The following MYH16 variants were observed in gnomAD, a reference collection of about 807,000 sequenced individuals.
The protein encoded by MYH16 is putative uncharacterized protein MYH16.
At chr7:99,246,445 T>C (rs1473737641) in intron 2 of MYH16, among the ~76,000 whole-genome samples, 5 of 152,164 alleles carry the variant, frequency 3.3e-5, no homozygotes, top group African/African-American at 1.2e-4. Context: ...CTCACACCTG[T>C]GATCCCAGCA....
intron 8 of MYH16, among the ~76,000 whole-genome samples, chr7:99,255,287 A>T (rs947869615): frequency 6.6e-6 from 1 of 152,018 alleles, no homozygotes; most frequent in African/African-American, 2.4e-5. Context: ...TTTTTAAAAT[A>T]AATAAGTAAC....
chr7:99,263,908 C>T (rs1791963518), intron 14 of MYH16, among the ~76,000 whole-genome samples: 2 of 152,186 alleles, frequency 1.3e-5, no homozygotes, highest in African/African-American at 4.8e-5. Flanking sequence ...CCAGAAACAC[C>T]AGTCTCCCTG....
At chr7:99,310,275 CA>C (rs1792742654), downstream of MYH16, among the ~76,000 whole-genome samples, 1 of 152,084 alleles carries the variant, frequency 6.6e-6, no homozygotes, top group Admixed American at 6.6e-5. Flanking sequence ...GTAGGGTAGG[CA>C]GGGGTGAGGC....
chr7:99,250,568 C>A (rs889690661), intron 5 of MYH16, among the ~76,000 whole-genome samples: 2 of 152,156 alleles, frequency 1.3e-5, no homozygotes, highest in African/African-American at 2.4e-5. Context: ...TAGCAAGACA[C>A]CATCTCTACA....
chr7:99,306,572 C>A (rs576806171), intron 41 of MYH16, 37 bp from the exon 23 acceptor site: 1 of 152,692 alleles, frequency 6.5e-6, no homozygotes, highest in East Asian at 1.9e-4. Context: ...GAACCAGCCA[C>A]GTTTATGCCC....
intron 18 of MYH16, among the ~76,000 whole-genome samples, chr7:99,268,433 G>A (rs759483719): frequency 3.3e-5 from 5 of 152,210 alleles, no homozygotes; most frequent in African/African-American, 7.2e-5. Context: ...CACCAGTGGC[G>A]GTCGTGTGGC....
intron 28 of MYH16, among the ~76,000 whole-genome samples, chr7:99,286,891 G>A (rs1431926564): frequency 6.6e-6 from 1 of 152,114 alleles, no homozygotes; most frequent in Admixed American, 6.6e-5. Context: ...GGAGGTTGAG[G>A]CTGTGGTGAG....
chr7:99,268,033 C>T (rs558003702), intron 18 of MYH16, among the ~76,000 whole-genome samples: 8 of 152,320 alleles, frequency 5.3e-5, no homozygotes, highest in Admixed American at 2.0e-4. Context: ...ACTTATGGTG[C>T]GCCTACTGTG....
Position 99,296,927 on chromosome 7 carries a change from A to G in MYH16, n.4499+10A>G. On this transcript the variant is annotated intron_variant and non_coding_transcript_variant, in intron 34 of 41. Coordinates refer to ENST00000439784, the Ensembl canonical transcript of MYH16. Reference sequence around the variant, plus strand: ...AATAAGACCCTGCAGGGTGAGTCTGAGGGCAGGTGGATGGGATGGGCCTGT... The same window carrying G: ...AATAAGACCCTGCAGGGTGAGTCTGGGGGCAGGTGGATGGGATGGGCCTGT... The G allele has an allele frequency of 4.4e-6, 2 of 456,270 alleles. No homozygotes were observed. The highest frequency in any genetic ancestry group is 4.4e-6 in the Non-Finnish European group (1 of 226,766). 28.3% of individuals were successfully genotyped at this position (456,270 alleles called of 1,614,324 possible). A position where few individuals can be genotyped will look rare whatever the true frequency, so the allele number is the denominator to read the frequency against.
chr7:99,307,419 T>C (rs377094245), downstream of MYH16, among the ~76,000 whole-genome samples: 1 of 152,236 alleles, frequency 6.6e-6, no homozygotes, highest in East Asian at 1.9e-4. Flanking sequence ...ATATTGGAGA[T>C]AAATATATAA....
downstream of MYH16, among the ~76,000 whole-genome samples, chr7:99,308,293 TAAAAAAAAAA>T (rs10556699): frequency 2.5e-5 from 1 of 40,158 alleles, no homozygotes; most frequent in Admixed American, 3.7e-4. Context: ...AGGCTCTGTC[TAAAAAAAAAA>T]AAAAAAAAAA....
chr7:99,242,363 T>C (rs1442263048), intron 1 of MYH16, among the ~76,000 whole-genome samples: 1 of 152,114 alleles, frequency 6.6e-6, no homozygotes, highest in Non-Finnish European at 1.5e-5. Flanking sequence ...GAACAGTGGC[T>C]ACATGTGGTG....
At chr7:99,302,363 CAT>C (rs1554340325) in intron 38 of MYH16, among the ~76,000 whole-genome samples, 21 of 144,136 alleles carry the variant, frequency 1.5e-4, no homozygotes, top group Admixed American at 2.8e-4. Context: ...CACACACACA[CAT>C]CCCAACCTGG....
intron 39 of MYH16, among the ~76,000 whole-genome samples, chr7:99,303,910 A>G (rs1302874740): frequency 2.0e-5 from 3 of 152,168 alleles, no homozygotes; most frequent in African/African-American, 7.2e-5. Flanking sequence ...TTGGTGGATG[A>G]GCCTGGGGAC....
chr7:99,276,179 G>A (rs1014104809), intron 20 of MYH16, among the ~76,000 whole-genome samples: 14 of 152,222 alleles, frequency 9.2e-5, no homozygotes, highest in Non-Finnish European at 1.6e-4. Flanking sequence ...CAGCGGCAAA[G>A]TATGGTGGTT....
chr7:99,242,782 T>TCTCATTACTGC (rs1365165899), intron 1 of MYH16, among the ~76,000 whole-genome samples: 2 of 152,160 alleles, frequency 1.3e-5, no homozygotes, highest in Middle Eastern at 3.2e-3. Flanking sequence ...TTACTGCACT[T>TCTCATTACTGC]AGTCTTTAAA....
At chr7:99,246,096 C>T (rs1461176664) in intron 2 of MYH16, among the ~76,000 whole-genome samples, 1 of 151,422 alleles carries the variant, frequency 6.6e-6, no homozygotes, top group Non-Finnish European at 1.5e-5. Context: ...GTCCCAGCTA[C>T]GTGGGATGTT....
intron 1 of MYH16, among the ~76,000 whole-genome samples, chr7:99,240,757 T>C (rs4623337): frequency 0.7 from 106,539 of 151,518 alleles, 40,735 homozygotes; most frequent in Non-Finnish European, 0.86. Flanking sequence ...GGAGAATCGC[T>C]TGAGCCCAGG....
intron 7 of MYH16, chr7:99,253,379 A>G (rs1791834182): frequency 6.6e-6 from 1 of 152,166 alleles, no homozygotes; most frequent in South Asian, 2.1e-4. Context: ...AAATGAATAA[A>G]TAAATAATCA....
Sources: gnomAD v4.1 joint callset for allele counts (sites outside exome capture counted in the v4.1 genomes callset) on GRCh38, gnomAD v4.1.1 for gene constraint, MANE v1.5 for transcripts, NCBI Gene and HGNC (gene_info 2026-07-23, HGNC 2026-07-21) for gene names.